The following ANKRD13C variants were observed in gnomAD, a reference collection of about 807,000 sequenced individuals.
The protein encoded by ANKRD13C is ankyrin repeat domain 13C, also known as ankyrin repeat domain-containing protein 13C.
In ANKRD13C, 16 loss-of-function variants were observed where a neutral mutation model predicts 65.5. The ratio of observed to expected loss-of-function variants is 0.24; its 90% CI spans 0.17 to 0.37. The LOEUF is 0.37. Ranked by LOEUF, ANKRD13C falls within the 10% of genes least tolerant of loss-of-function variation. The probability of loss-of-function intolerance (pLI) is 1.00; values close to 1 mark genes in which losing one functional copy is unlikely to be tolerated. For synonymous variants in ANKRD13C, 235 were observed against 238.7 expected (o/e 0.98, Z 0.14); for missense variants, 503 against 655.9 (o/e 0.77, Z 2.55).
In ANKRD13C at chr1:70,270,903, C is replaced by T. The variant is rs890735839; in HGVS notation, c.1448G>A (p.Arg483Lys). ...VAPFKHFNKL[R>K]EFVQMKLPPG... is the part of the protein sequence containing the mutation. Reference sequence around the variant, plus strand: ...AGGAAGCTTCATCTGAACAAATTCTCTAAGCTTGTTAAAGTGCTTGAAGGG... The same window carrying T: ...AGGAAGCTTCATCTGAACAAATTCTTTAAGCTTGTTAAAGTGCTTGAAGGG... The change falls in exon 12 of 13, where the codon AGA becomes AAA. Residue 483 changes from arginine (R) to lysine (K), a missense_variant. Physicochemically the swap from Arg to Lys is conservative, Grantham distance 26 (BLOSUM62 2). Transcript: ENST00000370944. 1.2e-6 allele frequency: 2 copies of T among 1,613,322 alleles called. No individual in the cohort carries two copies. The highest frequency in any genetic ancestry group is 1.3e-5 in the African/African-American group (1 of 74,900).
At position 70,354,612 on chromosome 1, in the gene ANKRD13C, G is replaced by A. The variant is rs1682919203; in HGVS notation, c.-204C>T. ...AGGCACGAAGGGACGCGCGCTCGCT[G>A]GGGGAAGCTAGAACTCAGGTGCCCA... On this transcript the variant is annotated 5_prime_UTR_variant, in exon 1 of 13. Coordinates refer to ENST00000370944, the MANE Select transcript of ANKRD13C (RefSeq NM_030816.5). 7.9e-7 allele frequency: 1 copy of A among 1,271,138 alleles called. No individual in the cohort carries two copies. Among genetic ancestry groups the A allele is most frequent in the South Asian group, 1.6e-5 (1 of 63,140 alleles). 78.7% of individuals were successfully genotyped at this position (1,271,138 alleles called of 1,614,324 possible).
At chr1:70,300,959 A>G (rs1287227691) in intron 6 of ANKRD13C, 51 bp from the exon 7 acceptor site, 1 of 1,548,612 alleles carries the variant, frequency 6.5e-7, no homozygotes, top group Admixed American at 2.1e-5. Context: ...TTTTGATAAA[A>G]CTTCACTAAT....
At chr1:70,341,891 G>T (rs562715719) in intron 1 of ANKRD13C, among the ~76,000 whole-genome samples, 1 of 152,098 alleles carries the variant, frequency 6.6e-6, no homozygotes, top group South Asian at 2.1e-4. Context: ...AGGGAGACCA[G>T]TTATGAGTCT....
At chr1:70,348,647 A>T (rs1026690059) in intron 1 of ANKRD13C, among the ~76,000 whole-genome samples, 10 of 152,184 alleles carry the variant, frequency 6.6e-5, no homozygotes, top group Non-Finnish European at 1.3e-4. Flanking sequence ...TGAGGCAGAG[A>T]TTTTACACAT....
intron 10 of ANKRD13C, among the ~76,000 whole-genome samples, chr1:70,276,466 T>A (rs899393582): frequency 1.3e-5 from 2 of 152,220 alleles, no homozygotes; most frequent in East Asian, 3.8e-4. Flanking sequence ...GCAACTGTCC[T>A]GCGCAATTTC....
At chr1:70,292,703 C>T (rs956289005) in intron 8 of ANKRD13C, among the ~76,000 whole-genome samples, 154 bp from the exon 9 acceptor site, 11 of 152,080 alleles carry the variant, frequency 7.2e-5, no homozygotes, top group Non-Finnish European at 1.2e-4. Flanking sequence ...CTAGGTTATA[C>T]AACATATACA....
intron 12 of ANKRD13C, among the ~76,000 whole-genome samples, chr1:70,267,109 C>G (rs1222922299): frequency 1.3e-5 from 2 of 152,132 alleles, no homozygotes; most frequent in Admixed American, 1.3e-4. Context: ...AACTCTGTTA[C>G]TTGGTATATA....
chr1:70,334,810 G>A (rs1230995566), intron 2 of ANKRD13C, among the ~76,000 whole-genome samples: 1 of 151,980 alleles, frequency 6.6e-6, no homozygotes, highest in Non-Finnish European at 1.5e-5. Context: ...GGAGGCTGAG[G>A]CAGGAGAGTC....
At chr1:70,343,492 C>T (rs1436740907) in intron 1 of ANKRD13C, among the ~76,000 whole-genome samples, 1 of 152,148 alleles carries the variant, frequency 6.6e-6, no homozygotes, top group Non-Finnish European at 1.5e-5. Context: ...TAAACTAAAT[C>T]GAATTGTTTT....
intron 1 of ANKRD13C, among the ~76,000 whole-genome samples, chr1:70,340,392 T>A (rs1682256662): frequency 6.6e-6 from 1 of 152,212 alleles, no homozygotes; most frequent in Non-Finnish European, 1.5e-5. Context: ...TGCATTGCGA[T>A]CAGAGAACAG....
chr1:70,353,366 A>G (rs1254614211), intron 1 of ANKRD13C, among the ~76,000 whole-genome samples: 1 of 152,210 alleles, frequency 6.6e-6, no homozygotes, highest in Non-Finnish European at 1.5e-5. Context: ...CAAGCAAAAA[A>G]TCAAATCTCT....
intron 1 of ANKRD13C, among the ~76,000 whole-genome samples, chr1:70,350,606 T>C (rs1682705602): frequency 6.6e-6 from 1 of 152,198 alleles, no homozygotes; most frequent in Non-Finnish European, 1.5e-5. Context: ...TACAAGACTC[T>C]TGTACGGAAC....
intron 3 of ANKRD13C, among the ~76,000 whole-genome samples, chr1:70,322,974 C>A (rs1417306174): frequency 6.6e-6 from 1 of 151,128 alleles, no homozygotes; most frequent in Non-Finnish European, 1.5e-5. Flanking sequence ...GCCTGGGCAA[C>A]AAGGGTGGAA....
chr1:70,311,308 C>T (rs1295588023), intron 5 of ANKRD13C, among the ~76,000 whole-genome samples: 7 of 152,024 alleles, frequency 4.6e-5, no homozygotes, highest in Non-Finnish European at 7.4e-5. Flanking sequence ...GCCTGGCCAA[C>T]ACAGTGAAAA....
At chr1:70,324,484 T>C (rs1248004042) in intron 3 of ANKRD13C, among the ~76,000 whole-genome samples, 1 of 152,210 alleles carries the variant, frequency 6.6e-6, no homozygotes, top group Non-Finnish European at 1.5e-5. Flanking sequence ...AGATAACTAT[T>C]GTAACACTAT....
intron 1 of ANKRD13C, among the ~76,000 whole-genome samples, chr1:70,339,833 ATT>A (rs1331060982): frequency 9.0e-6 from 1 of 111,012 alleles, no homozygotes; most frequent in Non-Finnish European, 1.8e-5. Flanking sequence ...TATTATTATT[ATT>A]ATTATTATTA....
chr1:70,299,464 A>C (rs889098818), intron 7 of ANKRD13C, among the ~76,000 whole-genome samples: 3 of 152,242 alleles, frequency 2.0e-5, no homozygotes, highest in Non-Finnish European at 4.4e-5. Context: ...TTAGAAGCAG[A>C]TGAGAAGGGA....
chr1:70,298,039 A>G (rs940639720), intron 7 of ANKRD13C, among the ~76,000 whole-genome samples: 11 of 152,194 alleles, frequency 7.2e-5, no homozygotes, highest in African/African-American at 2.7e-4. Flanking sequence ...TGCTAAAGCC[A>G]TAATAGGTGA....
At chr1:70,271,703 T>C (rs2101121799) in intron 11 of ANKRD13C, among the ~76,000 whole-genome samples, 1 of 152,340 alleles carries the variant, frequency 6.6e-6, no homozygotes, top group East Asian at 1.9e-4. Context: ...TGAAGCCCAA[T>C]AGTTTGATCA....
Sources: allele counts gnomAD v4.1 joint callset (sites outside exome capture counted in the v4.1 genomes callset), GRCh38; gene constraint gnomAD v4.1.1; transcripts MANE v1.5; gene names NCBI Gene and HGNC (gene_info 2026-07-23, HGNC 2026-07-21).